The following CCDC171 variants were observed in gnomAD, a reference collection of about 807,000 sequenced individuals.
CCDC171 encodes the protein coiled-coil domain-containing protein 171.
CCDC171 carries 177 observed loss-of-function variants against 168.2 expected under a neutral mutation model. The observed-to-expected ratio is 1.05, with a 90% CI of 0.93 to 1.19. The LOEUF is 1.19. Ranked by LOEUF, CCDC171 falls within the 50% of genes most tolerant of loss-of-function variation. The pLI is 0.00. For missense variants in CCDC171, 1,991 were observed against 1,539.0 expected, an observed-to-expected ratio of 1.29 and a Z score of -4.91; for synonymous variants, 687 against 540.8, an observed-to-expected ratio of 1.27 and a Z score of -3.75.
chr9:15,579,591 G>A (rs1440337133), intron 4 of CCDC171, among the ~76,000 whole-genome samples: 5 of 152,120 alleles, frequency 3.3e-5, no homozygotes, highest in African/African-American at 7.2e-5. Context: ...CCTAGATAGC[G>A]ATATCACTCA....
chr9:16,000,094 G>T (rs1234984958), intron 3 of CCDC171, among the ~76,000 whole-genome samples: 1 of 152,194 alleles, frequency 6.6e-6, no homozygotes, highest in African/African-American at 2.4e-5. Context: ...ACTGGATGCT[G>T]TAGGCTTTGG....
At position 15,731,258 on chromosome 9, in the gene CCDC171, C is replaced by G. The variant is rs376668123; in HGVS notation, c.2049+1460C>G. On this transcript the variant is annotated intron_variant, in intron 16 of 25. Coordinates refer to ENST00000380701, the MANE Select transcript of CCDC171 (RefSeq NM_173550.4). ...CACCCTTCCTAGACTGTGGTAACTA[C>G]AATTTGATGTTTTGATCAACATAAA... Among the ~76,000 whole-genome samples, 4 of 152,170 alleles carry G rather than the reference C, an allele frequency of 2.6e-5. No homozygotes were observed. In the East Asian group the frequency reaches 5.8e-4, roughly 22 times the overall value.
At chr9:15,576,832 G>A (rs564904706) in intron 3 of CCDC171, among the ~76,000 whole-genome samples, 1 of 152,256 alleles carries the variant, frequency 6.6e-6, no homozygotes, top group East Asian at 1.9e-4. Context: ...TCCTTCTGTA[G>A]CATACTGAGA....
In CCDC171 at chr9:15,972,043, A is replaced by G; in HGVS notation, c.*207A>G. On this transcript the variant is annotated 3_prime_UTR_variant, in exon 26 of 26. Transcript: ENST00000380701. ...TTCTCTCCAAGTTTTATTTGTTATCACAGTTGCTCATTTTTATGTAACATA... is the reference window on the plus strand; with the variant it reads ...TTCTCTCCAAGTTTTATTTGTTATCGCAGTTGCTCATTTTTATGTAACATA... The G allele has an allele frequency of 7.8e-6, 4 of 512,882 alleles. No homozygotes were observed. Among genetic ancestry groups the G allele is most frequent in the Non-Finnish European group, 1.0e-5 (3 of 292,528 alleles). The allele number at this position is 512,882 out of a possible 1,614,324, so 31.8% of individuals were successfully genotyped here.
At chr9:16,003,551 G>A (rs898912695) in intron 3 of CCDC171, among the ~76,000 whole-genome samples, 2 of 152,156 alleles carry the variant, frequency 1.3e-5, no homozygotes, top group Non-Finnish European at 2.9e-5. Flanking sequence ...TTACCTACCT[G>A]ATAAGGTGTT....
chr9:15,590,775 T>TTCGTTCTTTC (rs1554693046), intron 4 of CCDC171, among the ~76,000 whole-genome samples: 6 of 84,790 alleles, frequency 7.1e-5, no homozygotes, highest in Non-Finnish European at 1.5e-4. Context: ...TTCTTTCTCT[T>TTCGTTCTTTC]TCTTTCTTTC....
At chr9:15,789,332 A>T (rs939511841) in intron 21 of CCDC171, among the ~76,000 whole-genome samples, 2 of 152,200 alleles carry the variant, frequency 1.3e-5, no homozygotes, top group African/African-American at 2.4e-5. Context: ...AGCATTTTAC[A>T]TAAGGGATGC....
At chr9:15,615,777 AT>A (rs35595117) in intron 6 of CCDC171, among the ~76,000 whole-genome samples, 63,520 of 140,092 alleles carry the variant, frequency 0.45, 13,831 homozygotes, top group East Asian at 0.69. Context: ...ATCACGTGTG[AT>A]TTTTTTTTTT....
chr9:15,854,285 A>G (rs991136440), intron 23 of CCDC171, among the ~76,000 whole-genome samples: 4 of 150,832 alleles, frequency 2.7e-5, no homozygotes, highest in Non-Finnish European at 5.9e-5. Flanking sequence ...CTCGTTATAG[A>G]TTTCAGATTT....
intron 7 of CCDC171, among the ~76,000 whole-genome samples, chr9:15,653,700 TA>T (rs1422145298): frequency 6.6e-6 from 1 of 152,258 alleles, no homozygotes; most frequent in East Asian, 1.9e-4. Context: ...ATCTAGACAT[TA>T]TATAGTTTCA....
chr9:15,764,061 C>G (rs1419229844), intron 18 of CCDC171, among the ~76,000 whole-genome samples: 3 of 152,100 alleles, frequency 2.0e-5, no homozygotes, highest in Non-Finnish European at 4.4e-5. Context: ...TGCAGAAACC[C>G]TAACAAAGGA....
At chr9:15,848,234 C>A (rs187696382) in intron 22 of CCDC171, among the ~76,000 whole-genome samples, 36 of 152,080 alleles carry the variant, frequency 2.4e-4, no homozygotes, top group Admixed American at 2.1e-3. Flanking sequence ...AATTTGAAAT[C>A]TGGAGACTAA....
the CCDC171 span, among the ~76,000 whole-genome samples, chr9:16,069,541 ATAT>A: frequency 1.3e-5 from 2 of 152,252 alleles, no homozygotes; most frequent in African/African-American, 4.8e-5. Context: ...TTTTGATGAA[ATAT>A]TGGCTAACGC....
At chr9:15,995,115 T>C (rs1356466603) in intron 3 of CCDC171, among the ~76,000 whole-genome samples, 1 of 152,228 alleles carries the variant, frequency 6.6e-6, no homozygotes, top group Admixed American at 6.5e-5. Flanking sequence ...CTCTGTTCAT[T>C]GCTGCTAGCA....
chr9:15,680,484 C>T (rs2133449725), intron 10 of CCDC171, among the ~76,000 whole-genome samples: 1 of 152,292 alleles, frequency 6.6e-6, no homozygotes, highest in Middle Eastern at 3.4e-3. Flanking sequence ...CAGTGCTGCC[C>T]ATATCGAAAG....
At chr9:15,574,703 C>G (rs1227280653) in intron 3 of CCDC171, among the ~76,000 whole-genome samples, 1 of 152,232 alleles carries the variant, frequency 6.6e-6, no homozygotes, top group East Asian at 1.9e-4. Context: ...GATTTAAAAA[C>G]TAAGGCCATA....
chr9:15,872,096 C>G (rs1440458704), intron 23 of CCDC171, among the ~76,000 whole-genome samples: 1 of 151,936 alleles, frequency 6.6e-6, no homozygotes, highest in Non-Finnish European at 1.5e-5. Flanking sequence ...ATGGGTCTCT[C>G]ACTCTTGATG....
At chr9:15,917,381 C>G (rs1249009611) in intron 24 of CCDC171, among the ~76,000 whole-genome samples, 1 of 151,668 alleles carries the variant, frequency 6.6e-6, no homozygotes, top group Admixed American at 6.6e-5. Context: ...ATCATATGCA[C>G]TATTATACAA....
At chr9:15,643,941 C>A (rs1466344121) in intron 7 of CCDC171, among the ~76,000 whole-genome samples, 1 of 152,180 alleles carries the variant, frequency 6.6e-6, no homozygotes, top group Admixed American at 6.5e-5. Context: ...ATATTCCATT[C>A]TATGGATTCA....
Sources: allele counts gnomAD v4.1 joint callset (sites outside exome capture counted in the v4.1 genomes callset), GRCh38; gene constraint gnomAD v4.1.1; transcripts MANE v1.5; gene names NCBI Gene and HGNC (gene_info 2026-07-23, HGNC 2026-07-21).